Variants in LMOD1 observed in about 807,000 individuals in gnomAD.
LMOD1 encodes the protein leiomodin-1.
LMOD1 carries 8 observed loss-of-function variants against 36.5 expected under a neutral mutation model. The ratio of observed to expected loss-of-function variants is 0.22; its 90% CI spans 0.13 to 0.40. The LOEUF (loss-of-function observed/expected upper bound fraction) is 0.40, where lower values mean the gene tolerates loss of function less well. LMOD1 is among the 10% of genes least tolerant of loss of function. The pLI, the probability that LMOD1 is intolerant of heterozygous loss-of-function variation, is 1.00. For missense variants in LMOD1, 630 were observed against 751.1 expected (o/e 0.84, Z 1.88); for synonymous variants, 284 against 288.7 (o/e 0.98, Z 0.17).
intron 1 of LMOD1, among the ~76,000 whole-genome samples, chr1:201,907,918 C>T (rs1043102204): frequency 1.9e-4 from 29 of 152,260 alleles, no homozygotes; most frequent in African/African-American, 6.5e-4. Flanking sequence ...ACTTAGGGGA[C>T]GTGGCCGACC....
chr1:201,910,825 G>GCTCACTGTA (rs1681484971), intron 1 of LMOD1, among the ~76,000 whole-genome samples: 1 of 117,486 alleles, frequency 8.5e-6, no homozygotes, highest in African/African-American at 3.3e-5. Flanking sequence ...CACAATCTCA[G>GCTCACTGTA]CTCACTGTAA....
At position 201,898,599 on chromosome 1, in the gene LMOD1, C is replaced by A. The variant is rs193208211; in HGVS notation, c.1777-201G>T. On this transcript the variant is annotated intron_variant, in intron 2 of 2. Transcript: ENST00000367288. ...CACTGGAATTACAATTGAGATTTTC[C>A]TTTATCTCATGATACCTTGTCCCAG... 6.6e-5 allele frequency among the ~76,000 whole-genome samples: 10 copies of A among 152,268 alleles called. 1 individual carries two copies. Among genetic ancestry groups the A allele is most frequent in the Admixed American group, 5.9e-4 (9 of 15,296 alleles).
At position 201,898,132 on chromosome 1, in the gene LMOD1, C is replaced by T. The variant is rs1370155022; in HGVS notation, c.*240G>A. On this transcript the variant is annotated 3_prime_UTR_variant, in exon 3 of 3. Transcript: ENST00000367288. Reference sequence around the variant, plus strand: ...GATGTGCTAAAAGGACTCTTCTTGTCCAGAAACCTGAGCTCCATGTACTAA... The same window carrying T: ...GATGTGCTAAAAGGACTCTTCTTGTTCAGAAACCTGAGCTCCATGTACTAA... The T allele has an allele frequency of 1.7e-6, 1 of 573,598 alleles. No individual in the cohort carries two copies. The highest frequency in any genetic ancestry group is 3.1e-6 in the Non-Finnish European group (1 of 318,952). 35.5% of individuals were successfully genotyped at this position (573,598 alleles called of 1,614,324 possible).
chr1:201,919,608 G>T (rs1681667113), intron 1 of LMOD1, among the ~76,000 whole-genome samples: 2 of 152,158 alleles, frequency 1.3e-5, no homozygotes, highest in Admixed American at 1.3e-4. Flanking sequence ...CTATGTGAGT[G>T]CTCTGTAGGT....
At chr1:201,901,128 G>T (rs1681292169) in intron 1 of LMOD1, among the ~76,000 whole-genome samples, 1 of 152,172 alleles carries the variant, frequency 6.6e-6, no homozygotes, top group Admixed American at 6.6e-5. Context: ...TGAGGCAAAA[G>T]GAGAAATACT....
intron 1 of LMOD1, among the ~76,000 whole-genome samples, chr1:201,941,738 C>T (rs1682121763): frequency 6.6e-6 from 1 of 152,200 alleles, no homozygotes; most frequent in Non-Finnish European, 1.5e-5. Context: ...GTCAGGAGGG[C>T]TCAGGCCCAG....
At chr1:201,914,283 T>C (rs1368147664) in intron 1 of LMOD1, among the ~76,000 whole-genome samples, 3 of 152,208 alleles carry the variant, frequency 2.0e-5, no homozygotes, top group Non-Finnish European at 2.9e-5. Flanking sequence ...GCAGCCCCTG[T>C]GAACCCTAAC....
At chr1:201,898,606 T>C (rs867493149) in intron 2 of LMOD1, among the ~76,000 whole-genome samples, 2 of 152,208 alleles carry the variant, frequency 1.3e-5, no homozygotes, top group Admixed American at 6.5e-5. Context: ...TTCCTTTATC[T>C]CATGATACCT....
intron 1 of LMOD1, among the ~76,000 whole-genome samples, chr1:201,917,407 C>A (rs540502124): frequency 6.6e-6 from 1 of 152,360 alleles, no homozygotes; most frequent in South Asian, 2.1e-4. Context: ...TGCAACACAG[C>A]CTGCAATAGC....
intron 1 of LMOD1, among the ~76,000 whole-genome samples, chr1:201,901,607 TATAC>T (rs1398508061): frequency 1.8e-4 from 8 of 43,426 alleles, no homozygotes; most frequent in African/African-American, 8.0e-4. Context: ...TATATATATA[TATAC>T]ACATATATAT....
chr1:201,938,089 C>T (rs1045840430), intron 1 of LMOD1, among the ~76,000 whole-genome samples: 1 of 151,626 alleles, frequency 6.6e-6, no homozygotes, highest in Non-Finnish European at 1.5e-5. Flanking sequence ...GATTATTTTG[C>T]TGAAACCTCA....
chr1:201,909,722 G>A (rs1199606494), intron 1 of LMOD1, among the ~76,000 whole-genome samples: 3 of 152,182 alleles, frequency 2.0e-5, no homozygotes, highest in African/African-American at 7.2e-5. Flanking sequence ...GGTGAGTGCT[G>A]GCTGCCATGC....
intron 1 of LMOD1, among the ~76,000 whole-genome samples, chr1:201,908,746 G>T (rs976024252): frequency 1.3e-5 from 2 of 152,178 alleles, no homozygotes; most frequent in Non-Finnish European, 2.9e-5. Flanking sequence ...CTCTGGAAAT[G>T]CTTGGTGATG....
intron 1 of LMOD1, among the ~76,000 whole-genome samples, chr1:201,913,753 G>T (rs1681553251): frequency 6.6e-6 from 1 of 152,210 alleles, no homozygotes; most frequent in Non-Finnish European, 1.5e-5. Context: ...AATGGAGGCT[G>T]CTGCCTGTGA....
At chr1:201,901,006 GT>G (rs1438823998) in intron 1 of LMOD1, among the ~76,000 whole-genome samples, 2 of 152,148 alleles carry the variant, frequency 1.3e-5, no homozygotes, top group African/African-American at 4.8e-5. Flanking sequence ...ACCTGCAAAG[GT>G]TGTGGCAGTT....
At chr1:201,927,791 C>G (rs1383586577) in intron 1 of LMOD1, among the ~76,000 whole-genome samples, 2 of 152,148 alleles carry the variant, frequency 1.3e-5, no homozygotes, top group Non-Finnish European at 2.9e-5. Context: ...TAAGCCCTTA[C>G]TGCCCTAAGG....
chr1:201,920,868 A>C (rs777599195), intron 1 of LMOD1, among the ~76,000 whole-genome samples: 3 of 152,192 alleles, frequency 2.0e-5, no homozygotes, highest in African/African-American at 4.8e-5. Context: ...GTTTCTAAAA[A>C]TAAAAATAAA....
chr1:201,906,355 C>T (rs968573931), intron 1 of LMOD1, among the ~76,000 whole-genome samples: 1 of 152,204 alleles, frequency 6.6e-6, no homozygotes. Flanking sequence ...TCCCCCCACC[C>T]GCCTCCACCA....
At chr1:201,923,929 G>GAA (rs1659348097) in intron 1 of LMOD1, among the ~76,000 whole-genome samples, 2 of 145,224 alleles carry the variant, frequency 1.4e-5, no homozygotes, top group Admixed American at 1.4e-4. Flanking sequence ...GAGAGAGAGA[G>GAA]AGAAAGAAAG....
Sources: gnomAD v4.1 joint callset for allele counts (sites outside exome capture counted in the v4.1 genomes callset) on GRCh38, gnomAD v4.1.1 for gene constraint, MANE v1.5 for transcripts, NCBI Gene and HGNC (gene_info 2026-07-23, HGNC 2026-07-21) for gene names.